DENND3: variants seen among roughly 807,000 people sequenced by gnomAD.
The protein encoded by DENND3 is DENN domain containing 3.
A neutral mutation model predicts 135.1 loss-of-function variants in DENND3; 88 were observed. That is an observed-to-expected ratio of 0.65 (90% confidence interval 0.55 to 0.78). The LOEUF is 0.78. Ranked by LOEUF, DENND3 falls within the 30% of genes least tolerant of loss-of-function variation. The probability of loss-of-function intolerance (pLI) is 0.00; values close to 1 mark genes in which losing one functional copy is unlikely to be tolerated. For missense variants in DENND3, 1,392 were observed against 1,688.4 expected, an observed-to-expected ratio of 0.82 and a Z score of 3.08; for synonymous variants, 693 against 712.3, an observed-to-expected ratio of 0.97 and a Z score of 0.43.
chr8:141,150,712 C>T (rs915344322), intron 5 of DENND3, 122 bp from the exon 6 acceptor site: 3 of 1,261,580 alleles, frequency 2.4e-6, no homozygotes, highest in Non-Finnish European at 3.2e-6. Context: ...AACGTGGCAG[C>T]CTGTGTCTTC....
chr8:141,137,917 G>T lies in DENND3; in HGVS notation c.386-105G>T. 2 of 1,167,524 alleles carry T rather than the reference G, an allele frequency of 1.7e-6. No individual in the cohort carries two copies. The highest frequency in any genetic ancestry group is 2.4e-6 in the Non-Finnish European group (2 of 822,870). 72.3% of individuals were successfully genotyped at this position (1,167,524 alleles called of 1,614,324 possible). A position where few individuals can be genotyped will look rare whatever the true frequency, so the allele number is the denominator to read the frequency against. On this transcript the variant is annotated intron_variant, in intron 2 of 22. Coordinates refer to ENST00000519811, the MANE Select transcript of DENND3 (RefSeq NM_001352890.3). This position sits in a 1 kb window ranked among gnomAD's most constrained non-coding sequence, Gnocchi z 4.1. ...CCTTGGACATGAAGGCACCACCACT[G>T]CTAACTGTGGAGGTGTGTCCTAAAC...
chr8:141,132,245 A>T (rs975645757), intron 1 of DENND3, among the ~76,000 whole-genome samples: 3 of 152,242 alleles, frequency 2.0e-5, no homozygotes, highest in Non-Finnish European at 4.4e-5. Flanking sequence ...AAAATGTATA[A>T]AATGCACAAA....
chr8:141,182,388 C>T lies in DENND3; in HGVS notation c.2944+1534C>T, dbSNP rs1253038750. 9.1e-6 allele frequency: 9 copies of T among 985,354 alleles called. No homozygotes were observed. Among genetic ancestry groups the T allele is most frequent in the East Asian group, 1.1e-4 (1 of 8,824 alleles). The allele number at this position is 985,354 out of a possible 1,614,324, so 61.0% of individuals were successfully genotyped here. A position where few individuals can be genotyped will look rare whatever the true frequency, so the allele number is the denominator to read the frequency against. On this transcript the variant is annotated intron_variant, in intron 17 of 22. Coordinates refer to ENST00000519811, the MANE Select transcript of DENND3 (RefSeq NM_001352890.3). The surrounding 1 kb of genome is among the most constrained non-coding windows in gnomAD (Gnocchi z 5.9). ...AGGCAGCGTCATCAGGGCCGCCCCG[C>T]GTGAGCCCTACCTGATGTGTCTAAG...
At position 141,178,062 on chromosome 8, in the gene DENND3, T is replaced by C. The variant is rs762523615; in HGVS notation, c.2707-5T>C. Reference sequence around the variant, plus strand: ...TGTTTTGAAACGCACGTGTTTCTGTTGTAGGACCCTCACTACGTCCAGCAG... The same window carrying C: ...TGTTTTGAAACGCACGTGTTTCTGTCGTAGGACCCTCACTACGTCCAGCAG... On this transcript the variant is annotated splice_region_variant and splice_polypyrimidine_tract_variant and intron_variant, in intron 15 of 22. Coordinates refer to ENST00000519811, the MANE Select transcript of DENND3 (RefSeq NM_001352890.3). The C allele has an allele frequency of 3.7e-6, 6 of 1,600,888 alleles. No homozygotes were observed. In the African/African-American group the frequency reaches 8.0e-5, roughly 21 times the overall value.
chr8:141,193,889 C>T, intron 22 of DENND3, 144 bp from the exon 23 acceptor site: 1 of 917,060 alleles, frequency 1.1e-6, no homozygotes, highest in Non-Finnish European at 1.6e-6. Flanking sequence ...GCCAGGCGGC[C>T]CTGACCCTCA....
intron 1 of DENND3, among the ~76,000 whole-genome samples, chr8:141,133,546 C>T (rs1012539403): frequency 1.3e-5 from 2 of 152,176 alleles, no homozygotes; most frequent in African/African-American, 4.8e-5. Context: ...TCCTCCTTCT[C>T]CTGACAGAAA....
In DENND3 at chr8:141,145,818, TA is replaced by T. The variant is rs1569555438; in HGVS notation, c.735+1560del. ...ATATTGAATATTATATATATATATA[TA>T]TATATATATATATATATATATATAT... On this transcript the variant is annotated intron_variant, in intron 5 of 22. Coordinates refer to ENST00000519811, the MANE Select transcript of DENND3 (RefSeq NM_001352890.3). 1.1e-3 allele frequency among the ~76,000 whole-genome samples: 34 copies of T among 30,240 alleles called. 2 individuals are homozygous for T. Among genetic ancestry groups the T allele is most frequent in the African/African-American group, 8.4e-3 (32 of 3,818 alleles). The allele number at this position is 30,240 out of a possible 152,430, so 19.8% of individuals were successfully genotyped here.
At chr8:141,178,793 T>C (rs1327071956) in intron 16 of DENND3, among the ~76,000 whole-genome samples, 2 of 152,224 alleles carry the variant, frequency 1.3e-5, no homozygotes, top group African/African-American at 2.4e-5. Flanking sequence ...CTGGAAGCCA[T>C]AGAGGCTGGT....
rs1253925374 is a variant in DENND3 at position 141,139,903 on chromosome 8, G to GT, written c.502-1293dup. 2.1e-5 allele frequency among the ~76,000 whole-genome samples: 3 copies of GT among 144,520 alleles called. No individual in the cohort carries two copies. Among genetic ancestry groups the GT allele is most frequent in the East Asian group, 3.9e-4 (2 of 5,066 alleles). The allele number at this position is 144,520 out of a possible 152,430, so 94.8% of individuals were successfully genotyped here. A position where few individuals can be genotyped will look rare whatever the true frequency, so the allele number is the denominator to read the frequency against. On this transcript the variant is annotated intron_variant, in intron 3 of 22. Transcript: ENST00000519811. This position sits in a 1 kb window ranked among gnomAD's most constrained non-coding sequence, Gnocchi z 4.2. Reference sequence around the variant, plus strand: ...GTATCCGGATGACGCTATATCTATCGTTTTTTTCTTTCTTTTTTTTTTTTG... The same window carrying GT: ...GTATCCGGATGACGCTATATCTATCGTTTTTTTTCTTTCTTTTTTTTTTTTG...
chr8:141,180,572 C>T (rs558519366), intron 16 of DENND3, among the ~76,000 whole-genome samples, 175 bp from the exon 17 acceptor site: 8 of 152,226 alleles, frequency 5.3e-5, no homozygotes, highest in South Asian at 4.1e-4. Flanking sequence ...GAAAGGAGGC[C>T]GAGGGTGCAT....
chr8:141,183,797 C>CT (rs1307668626), intron 17 of DENND3, among the ~76,000 whole-genome samples: 1 of 149,026 alleles, frequency 6.7e-6, no homozygotes, highest in Admixed American at 6.7e-5. Flanking sequence ...GTGCAACAGG[C>CT]TCCAGGGCAA....
chr8:141,182,094 C>G lies in DENND3; in HGVS notation c.2944+1240C>G, dbSNP rs953703653. ...TACAGGTGTGAGCCACTGCGCCAGC[C>G]CAGAAGGGATTTTTAAAATTGTCAC... On this transcript the variant is annotated intron_variant, in intron 17 of 22. Transcript: ENST00000519811. This position sits in a 1 kb window ranked among gnomAD's most constrained non-coding sequence, Gnocchi z 5.9. Among the ~76,000 whole-genome samples the G allele has an allele frequency of 1.3e-5, 2 of 152,142 alleles. No homozygotes were observed. The highest frequency in any genetic ancestry group is 2.9e-5 in the Non-Finnish European group (2 of 68,032).
intron 9 of DENND3, among the ~76,000 whole-genome samples, chr8:141,161,941 C>T (rs1191467480): frequency 6.6e-6 from 1 of 151,964 alleles, no homozygotes; most frequent in Non-Finnish European, 1.5e-5. Flanking sequence ...GCTGGGACTG[C>T]AGGCGCCTGC....
intron 15 of DENND3, chr8:141,177,413 C>G (rs1426101358): frequency 6.5e-6 from 1 of 152,702 alleles, no homozygotes; most frequent in Non-Finnish European, 1.5e-5. Context: ...AGAAAGGGAA[C>G]AGTTCACCAG....
At position 141,182,154 on chromosome 8, in the gene DENND3, CGTAGGTGTCAGGGATGCAGAT is replaced by C. The variant is rs1041017865; in HGVS notation, c.2944+1311_2944+1331del. Among the ~76,000 whole-genome samples, 1 of 152,178 alleles carries C rather than the reference CGTAGGTGTCAGGGATGCAGAT, an allele frequency of 6.6e-6. No individual in the cohort carries two copies. The highest frequency in any genetic ancestry group is 2.4e-5 in the African/African-American group (1 of 41,444). ...TGCATCTGCGTCTGCAGGTGTCAGC[CGTAGGTGTCAGGGATGCAGAT>C]GTAGGTGTCACCCCCTCTCACAGGC... On this transcript the variant is annotated intron_variant, in intron 17 of 22. Coordinates refer to ENST00000519811, the MANE Select transcript of DENND3 (RefSeq NM_001352890.3). This position sits in a 1 kb window ranked among gnomAD's most constrained non-coding sequence, Gnocchi z 5.9.
intron 11 of DENND3, among the ~76,000 whole-genome samples, chr8:141,165,801 G>C (rs1488463370): frequency 1.3e-5 from 2 of 152,130 alleles, no homozygotes; most frequent in Non-Finnish European, 2.9e-5. Context: ...AAACGTGCCC[G>C]ATGTTAGCAT....
chr8:141,160,305 A>C (rs998924119), intron 8 of DENND3, among the ~76,000 whole-genome samples: 3 of 151,470 alleles, frequency 2.0e-5, no homozygotes, highest in Non-Finnish European at 4.4e-5. Context: ...CAGCCTCCCG[A>C]GTAGCTGGGA....
At chr8:141,192,481 T>A (rs376368315) in intron 21 of DENND3, 32 bp downstream of exon 21, 516 of 1,613,284 alleles carry the variant, frequency 3.2e-4, no homozygotes, top group Non-Finnish European at 3.9e-4. Flanking sequence ...GCCCAGCATG[T>A]GCGTGGCCCG....
Position 141,192,509 on chromosome 8 carries a change from C to A in DENND3, c.3499-17C>A. 1.9e-6 allele frequency: 3 copies of A among 1,604,018 alleles called. No homozygotes were observed. In the South Asian group the frequency reaches 3.3e-5, roughly 18 times the overall value. On this transcript the variant is annotated splice_polypyrimidine_tract_variant and intron_variant, in intron 21 of 22. Coordinates refer to ENST00000519811, the MANE Select transcript of DENND3 (RefSeq NM_001352890.3). Reference sequence around the variant, plus strand: ...GTGGCCCGGGGCCCATAGCCCACACCGTGCCCTGCGTTTCAGGAGGAGCAG... The same window carrying A: ...GTGGCCCGGGGCCCATAGCCCACACAGTGCCCTGCGTTTCAGGAGGAGCAG...
Sources: allele counts gnomAD v4.1 joint callset (sites outside exome capture counted in the v4.1 genomes callset), GRCh38; gene constraint gnomAD v4.1.1; non-coding constraint Gnocchi (gnomAD v3.1); transcripts MANE v1.5; gene names NCBI Gene and HGNC (gene_info 2026-07-23, HGNC 2026-07-21).